Variants in SPECC1 observed in about 807,000 individuals in gnomAD.
The protein encoded by SPECC1 is sperm antigen with calponin homology and coiled-coil domains 1, also known as cytospin-B.
SPECC1 carries 62 observed loss-of-function variants against 104.1 expected under a neutral mutation model. The observed-to-expected ratio is 0.60, with a 90% CI of 0.49 to 0.74. The LOEUF is 0.74. Ranked by LOEUF, SPECC1 falls within the 30% of genes least tolerant of loss-of-function variation. The pLI is 0.00. For missense variants in SPECC1, 1,306 were observed against 1,310.5 expected (o/e 1.00, Z 0.05); for synonymous variants, 513 against 501.6 (o/e 1.02, Z -0.30).
intron 3 of SPECC1, among the ~76,000 whole-genome samples, chr17:20,193,928 T>A (rs2035835503): frequency 6.6e-6 from 1 of 152,212 alleles, no homozygotes; most frequent in African/African-American, 2.4e-5. Context: ...TTCACAGGAA[T>A]AAGCAGGTGT....
In SPECC1 at chr17:20,047,755, G is replaced by A. The variant is rs538148316; in HGVS notation, c.-22+38331G>A. 3.1e-4 allele frequency among the ~76,000 whole-genome samples: 47 copies of A among 152,002 alleles called. No individual in the cohort carries two copies. In the Middle Eastern group the frequency reaches 0.01, roughly 33 times the overall value. On this transcript the variant is annotated intron_variant, in intron 1 of 14. Transcript: ENST00000395527. ...TGGGACTACAGGTGCCTGCCACCAC[G>A]CCTGGCTAATTTTTTGTATTTTTAG...
intron 3 of SPECC1, among the ~76,000 whole-genome samples, chr17:20,137,638 G>GT (rs1181987643): frequency 6.6e-6 from 1 of 151,812 alleles, no homozygotes; most frequent in Admixed American, 6.6e-5. Context: ...CCTTTAAAAG[G>GT]TTTTTTTAAA....
At position 20,314,719 on chromosome 17, in the gene SPECC1, AC is replaced by A. The variant is rs2042017090; in HGVS notation, c.*655del. 1.7e-5 allele frequency: 3 copies of A among 174,232 alleles called. No individual in the cohort carries two copies. The South Asian group carries it at 7.2e-4, about 42-fold the overall frequency. The allele number at this position is 174,232 out of a possible 1,614,324, so 10.8% of individuals were successfully genotyped here. A position where few individuals can be genotyped will look rare whatever the true frequency, so the allele number is the denominator to read the frequency against. On this transcript the variant is annotated 3_prime_UTR_variant, in exon 15 of 15. Coordinates refer to ENST00000395527, the MANE Select transcript of SPECC1 (RefSeq NM_001243439.2). ...CCCCCCCAAAAAAAAACAACAAAAC[AC>A]AAAAAATAAACATTTGTTCCAGGGC... is the stretch of plus-strand genomic sequence containing the variant.
chr17:20,259,050 G>A (rs1402483329), intron 11 of SPECC1, among the ~76,000 whole-genome samples: 1 of 152,190 alleles, frequency 6.6e-6, no homozygotes, highest in Non-Finnish European at 1.5e-5. Context: ...ATACAAAATT[G>A]GCTAGTTTAG....
At chr17:20,305,389 A>T (rs1279072267) in intron 13 of SPECC1, among the ~76,000 whole-genome samples, 1 of 152,208 alleles carries the variant, frequency 6.6e-6, no homozygotes, top group Non-Finnish European at 1.5e-5. Context: ...TAAGGTCACA[A>T]ACATAGCTAA....
chr17:20,107,098 C>T (rs1415847435), intron 2 of SPECC1, among the ~76,000 whole-genome samples: 2 of 134,674 alleles, frequency 1.5e-5, no homozygotes, highest in Non-Finnish European at 3.0e-5. Flanking sequence ...GAGCCGAGAT[C>T]GCATCACGGC....
At chr17:20,312,424 T>C (rs1212466616) in intron 14 of SPECC1, among the ~76,000 whole-genome samples, 2 of 152,244 alleles carry the variant, frequency 1.3e-5, no homozygotes, top group Non-Finnish European at 2.9e-5. Flanking sequence ...GATTGTCTGC[T>C]CAAAACTGAA....
chr17:20,122,489 G>A (rs1165752669), intron 3 of SPECC1, among the ~76,000 whole-genome samples: 1 of 152,138 alleles, frequency 6.6e-6, no homozygotes, highest in African/African-American at 2.4e-5. Context: ...TTTTTGAATT[G>A]TGGAAAAATA....
chr17:20,297,110 C>CT (rs2041379604), intron 13 of SPECC1, 33 bp downstream of exon 13: 1 of 1,585,290 alleles, frequency 6.3e-7, no homozygotes, highest in Admixed American at 1.7e-5. Context: ...TGGTTATCCT[C>CT]TAAGAAATGC....
At chr17:20,178,007 C>T (rs2034595088) in intron 3 of SPECC1, among the ~76,000 whole-genome samples, 2 of 151,528 alleles carry the variant, frequency 1.3e-5, no homozygotes, top group Admixed American at 1.3e-4. Context: ...CCTCACCCAG[C>T]CATATTTTAT....
At chr17:20,250,171 C>T (rs1019197460) in intron 9 of SPECC1, among the ~76,000 whole-genome samples, 3 of 152,276 alleles carry the variant, frequency 2.0e-5, no homozygotes, top group African/African-American at 7.2e-5. Context: ...AAGAAAACAC[C>T]TGCTTTCCTT....
At chr17:20,258,898 A>G (rs754833384) in intron 11 of SPECC1, among the ~76,000 whole-genome samples, 1 of 152,230 alleles carries the variant, frequency 6.6e-6, no homozygotes, top group Non-Finnish European at 1.5e-5. Flanking sequence ...TGCACAGTAC[A>G]TGCCATTGTC....
At chr17:20,017,850 G>T (rs946741758) in intron 1 of SPECC1, 39 of 152,142 alleles carry the variant, frequency 2.6e-4, no homozygotes, top group African/African-American at 8.4e-4. Flanking sequence ...TCTTCTATGT[G>T]CTCTAGTAAT....
At chr17:20,109,743 T>G (rs1319565525) in intron 2 of SPECC1, among the ~76,000 whole-genome samples, 1 of 152,232 alleles carries the variant, frequency 6.6e-6, no homozygotes, top group East Asian at 1.9e-4. Flanking sequence ...AGCCTTTTTT[T>G]GTTGTCCTGG....
chr17:20,215,943 G>T (rs907614807), intron 4 of SPECC1, among the ~76,000 whole-genome samples: 1 of 152,128 alleles, frequency 6.6e-6, no homozygotes, highest in African/African-American at 2.4e-5. Context: ...CCCTGACAGA[G>T]ATCTTTTTTC....
At chr17:20,299,555 CAAAAAAAAA>C (rs57493380) in intron 13 of SPECC1, among the ~76,000 whole-genome samples, 3 of 40,368 alleles carry the variant, frequency 7.4e-5, no homozygotes, top group Non-Finnish European at 1.1e-4. Flanking sequence ...GACCCTGTCT[CAAAAAAAAA>C]AAAAAAAAAA....
chr17:20,242,005 TC>T (rs1172331213), intron 7 of SPECC1, among the ~76,000 whole-genome samples: 1 of 152,186 alleles, frequency 6.6e-6, no homozygotes, highest in Non-Finnish European at 1.5e-5. Context: ...GTTCAGGTGT[TC>T]AGTAAAGAGA....
At chr17:20,128,714 C>T (rs1481094748) in intron 3 of SPECC1, among the ~76,000 whole-genome samples, 1 of 151,874 alleles carries the variant, frequency 6.6e-6, no homozygotes, top group African/African-American at 2.4e-5. Context: ...TTCTTCCCAG[C>T]TTCCCCCAAG....
intron 12 of SPECC1, among the ~76,000 whole-genome samples, chr17:20,270,762 T>C (rs2040382329): frequency 6.6e-6 from 1 of 152,230 alleles, no homozygotes; most frequent in Non-Finnish European, 1.5e-5. Flanking sequence ...AAAGGGTGTG[T>C]TACACTTTCC....
Sources: allele counts gnomAD v4.1 joint callset (sites outside exome capture counted in the v4.1 genomes callset), GRCh38; gene constraint gnomAD v4.1.1; transcripts MANE v1.5; gene names NCBI Gene and HGNC (gene_info 2026-07-23, HGNC 2026-07-21).